Variants in RGP1 observed in about 807,000 individuals in gnomAD.
The protein encoded by RGP1 is RGP1 partner of RAB6A GEF complex, also known as RAB6A-GEF complex partner protein 2.
A neutral mutation model predicts 44.5 loss-of-function variants in RGP1; 28 were observed. The ratio of observed to expected loss-of-function variants is 0.63; its 90% CI spans 0.47 to 0.86. RGP1 has a LOEUF of 0.86. Ranked by LOEUF, RGP1 falls within the 40% of genes least tolerant of loss-of-function variation. The probability of loss-of-function intolerance (pLI) is 0.00; values close to 1 mark genes in which losing one functional copy is unlikely to be tolerated. For synonymous variants in RGP1, 212 were observed against 196.7 expected, an observed-to-expected ratio of 1.08 and a Z score of -0.65; for missense variants, 417 against 490.7, an observed-to-expected ratio of 0.85 and a Z score of 1.42.
downstream of RGP1, among the ~76,000 whole-genome samples, chr9:35,759,567 CAAAAAAAAAAAAAAAAAAAAAA>C (rs57938702): frequency 7.8e-5 from 3 of 38,280 alleles, no homozygotes; most frequent in Admixed American, 9.6e-4. Context: ...ACCCTGTCTC[CAAAAAAAAAAAAAAAAAAAAAA>C]AAAAAAAAAA....
At chr9:35,776,550 T>C in the RGP1 span, among the ~76,000 whole-genome samples, 1 of 151,808 alleles carries the variant, frequency 6.6e-6, no homozygotes. Context: ...GCCTCCCAAA[T>C]TGTTGGGATT....
the RGP1 span, among the ~76,000 whole-genome samples, chr9:35,789,902 C>G: frequency 6.6e-6 from 1 of 152,200 alleles, no homozygotes; most frequent in Non-Finnish European, 1.5e-5. Context: ...GACACTGCGA[C>G]CTTCCTCTCT....
chr9:35,762,592 C>T (rs537121203), downstream of RGP1, among the ~76,000 whole-genome samples: 1 of 152,242 alleles, frequency 6.6e-6, no homozygotes, highest in Non-Finnish European at 1.5e-5. Context: ...TTCTAGGCAC[C>T]TCTGTCAATT....
At chr9:35,778,873 C>T in the RGP1 span, among the ~76,000 whole-genome samples, 1 of 152,142 alleles carries the variant, frequency 6.6e-6, no homozygotes, top group African/African-American at 2.4e-5. Context: ...GTATACATGG[C>T]TTTCATCTGA....
Position 35,751,753 on chromosome 9 carries a change from A to T in RGP1, c.761A>T (p.Gln254Leu). The T allele has an allele frequency of 6.2e-7, 1 of 1,613,938 alleles. No individual in the cohort carries two copies. Residue 254 changes from glutamine to leucine, a missense_variant and splice_region_variant, in exon 7 of 9, where the codon CAG becomes CTG. Coordinates refer to ENST00000378078, the MANE Select transcript of RGP1 (RefSeq NM_001080496.3). ...NLGEGTVACLQFSVSLQTEER... is the reference protein window; with the variant it reads ...NLGEGTVACLLFSVSLQTEER... The stretch of plus-strand genomic sequence containing the variant: ...GGGGAAGGAACCGTAGCTTGTTTGC[A>T]GGTAAGAAGGGAGCAGAGCTTCTTA...
intron 8 of RGP1, 91 bp downstream of exon 8, chr9:35,752,236 C>T (rs1467572958): frequency 8.1e-7 from 1 of 1,228,250 alleles, no homozygotes; most frequent in African/African-American, 1.5e-5. Context: ...TCCTTATACA[C>T]ACTCCCAGAC....
At chr9:35,772,329 A>G in the RGP1 span, 1 of 152,312 alleles carries the variant, frequency 6.6e-6, no homozygotes. Context: ...TCAGCTGGAT[A>G]TTGAGATGGA....
chr9:35,770,848 G>T, the RGP1 span, among the ~76,000 whole-genome samples: 1 of 152,206 alleles, frequency 6.6e-6, no homozygotes, highest in Admixed American at 6.5e-5. Context: ...AATAAATAGA[G>T]CAGCCTTCTG....
the RGP1 span, among the ~76,000 whole-genome samples, chr9:35,779,446 G>T: frequency 2.0e-5 from 3 of 152,228 alleles, no homozygotes; most frequent in Admixed American, 1.3e-4. Context: ...CTGAGAAGAG[G>T]AAAGGCAATT....
the RGP1 span, among the ~76,000 whole-genome samples, chr9:35,779,739 G>C: frequency 6.6e-6 from 1 of 152,168 alleles, no homozygotes; most frequent in Non-Finnish European, 1.5e-5. Flanking sequence ...TCTCATAAGA[G>C]AGCCAGCATC....
chr9:35,766,828 A>G, the RGP1 span, among the ~76,000 whole-genome samples: 1 of 152,228 alleles, frequency 6.6e-6, no homozygotes, highest in Non-Finnish European at 1.5e-5. Context: ...GTAACTGTTC[A>G]GTAGTAAAAT....
At chr9:35,761,914 G>A (rs893470861), downstream of RGP1, among the ~76,000 whole-genome samples, 10 of 152,244 alleles carry the variant, frequency 6.6e-5, no homozygotes, top group African/African-American at 2.4e-4. Flanking sequence ...AGCACTTTGG[G>A]AGGCCGAGGC....
At chr9:35,771,794 A>T in the RGP1 span, among the ~76,000 whole-genome samples, 1 of 152,274 alleles carries the variant, frequency 6.6e-6, no homozygotes, top group African/African-American at 2.4e-5. Flanking sequence ...AGTGAGTTTT[A>T]AAAATGTAGA....
chr9:35,779,257 AG>A, the RGP1 span, among the ~76,000 whole-genome samples: 47 of 152,280 alleles, frequency 3.1e-4, no homozygotes, highest in Non-Finnish European at 5.9e-4. Flanking sequence ...AGGCTATATA[AG>A]ATAAAAGATG....
the RGP1 span, among the ~76,000 whole-genome samples, chr9:35,767,037 A>G: frequency 6.6e-6 from 1 of 152,184 alleles, no homozygotes; most frequent in Admixed American, 6.5e-5. Flanking sequence ...AGTTGAAGGA[A>G]GCATTTTAGA....
In RGP1 at chr9:35,751,766, G is replaced by A. The variant is rs770633244; in HGVS notation, c.762+12G>A. On this transcript the variant is annotated intron_variant, in intron 7 of 8. Transcript: ENST00000378078. ...TAGCTTGTTTGCAGGTAAGAAGGGA[G>A]CAGAGCTTCTTACCTGCTGGGGTGC... 1.2e-6 allele frequency: 2 copies of A among 1,613,848 alleles called. No individual in the cohort carries two copies. The highest frequency in any genetic ancestry group is 3.3e-5 in the Admixed American group (2 of 60,024).
downstream of RGP1, among the ~76,000 whole-genome samples, chr9:35,763,257 CTT>C (rs1827434886): frequency 2.6e-5 from 4 of 152,326 alleles, no homozygotes; most frequent in South Asian, 8.3e-4. Context: ...CTCCCTATCT[CTT>C]AGAACTTTTC....
chr9:35,787,264 C>T, the RGP1 span, among the ~76,000 whole-genome samples: 3 of 152,066 alleles, frequency 2.0e-5, no homozygotes, highest in African/African-American at 7.2e-5. Flanking sequence ...GAGACTCACT[C>T]TTTCCCCCAG....
Position 35,753,361 on chromosome 9 carries a change from G to T in RGP1, c.*487G>T. 6.7e-7 allele frequency: 1 copy of T among 1,490,714 alleles called. No homozygotes were observed. The highest frequency in any genetic ancestry group is 9.1e-7 in the Non-Finnish European group (1 of 1,101,960). The allele number at this position is 1,490,714 out of a possible 1,614,324, so 92.3% of individuals were successfully genotyped here. Reference sequence around the variant, plus strand: ...CTGCCCACATGTTCCCTCTCTCACAGTTTTCCCCCCACAGAGCCCCTTTCA... The same window carrying T: ...CTGCCCACATGTTCCCTCTCTCACATTTTTCCCCCCACAGAGCCCCTTTCA... On this transcript the variant is annotated 3_prime_UTR_variant, in exon 9 of 9. Transcript: ENST00000378078. This position sits in a 1 kb window ranked among gnomAD's most constrained non-coding sequence, Gnocchi z 4.2.
Sources: allele counts gnomAD v4.1 joint callset (sites outside exome capture counted in the v4.1 genomes callset), GRCh38; gene constraint gnomAD v4.1.1; non-coding constraint Gnocchi (gnomAD v3.1); transcripts MANE v1.5; gene names NCBI Gene and HGNC (gene_info 2026-07-23, HGNC 2026-07-21).